Variants in COLEC11 observed in about 807,000 individuals in gnomAD.
COLEC11 encodes collectin-11.
A neutral mutation model predicts 27.3 loss-of-function variants in COLEC11; 20 were observed. The observed-to-expected ratio is 0.73, with a 90% CI of 0.51 to 1.06. The LOEUF is 1.06. COLEC11 is among the 50% of genes least tolerant of loss of function. The pLI is 0.00. For synonymous variants in COLEC11, 163 were observed against 154.7 expected, an observed-to-expected ratio of 1.05 and a Z score of -0.40; for missense variants, 310 against 383.0, an observed-to-expected ratio of 0.81 and a Z score of 1.59.
intron 3 of COLEC11, among the ~76,000 whole-genome samples, chr2:3,631,950 G>C (rs1024541493): frequency 6.6e-6 from 1 of 152,176 alleles, no homozygotes. Context: ...GGCTGTACCC[G>C]GGGTGGAAGT....
At position 3,602,434 on chromosome 2, in the gene COLEC11, C is replaced by T. The variant is rs1272729534; in HGVS notation, c.-26-1881C>T. ...GGCTGCTCAGAACAAAAGCTTTAAT[C>T]TTTGATTTCTCTCTGTCATTTCCCA... On this transcript the variant is annotated intron_variant, in intron 1 of 6. Transcript: ENST00000349077. The surrounding 1 kb of genome is among the most constrained non-coding windows in gnomAD (Gnocchi z 6.2). Among the ~76,000 whole-genome samples the T allele has an allele frequency of 1.3e-5, 2 of 152,088 alleles. No homozygotes were observed. Among genetic ancestry groups the T allele is most frequent in the Non-Finnish European group, 2.9e-5 (2 of 68,032 alleles).
Position 3,643,780 on chromosome 2 carries a change from G to C in COLEC11, c.478G>C (p.Glu160Gln). Residue 160 changes from glutamate (E) to glutamine (Q), a missense_variant, in exon 7 of 7, where the codon GAG becomes CAG. Glu to Gln is a conservative substitution (Grantham distance 29, BLOSUM62 2). Transcript: ENST00000349077. ...CAAGATCTACCTGCTGGTGAAGGAG[G>C]AGAAGCGCTACGCGGACGCCCAGCT... ...ESKIYLLVKE[E>Q]KRYADAQLSC... The C allele has an allele frequency of 1.2e-6, 2 of 1,613,638 alleles. No individual in the cohort carries two copies.
In COLEC11 at chr2:3,613,298, A is replaced by G; in HGVS notation, c.131-13A>G. 2.5e-6 allele frequency: 4 copies of G among 1,607,238 alleles called. No individual in the cohort carries two copies. The highest frequency in any genetic ancestry group is 3.4e-6 in the Non-Finnish European group (4 of 1,176,984). On this transcript the variant is annotated splice_polypyrimidine_tract_variant and intron_variant, in intron 2 of 6. Transcript: ENST00000349077. Reference sequence around the variant, plus strand: ...CCAGACGAGCTGCTAAATGGATGTGACTTCTTCCACAGGGGATGCGGGAGA... The same window carrying G: ...CCAGACGAGCTGCTAAATGGATGTGGCTTCTTCCACAGGGGATGCGGGAGA...
chr2:3,597,488 T>C (rs567639067), intron 1 of COLEC11, among the ~76,000 whole-genome samples: 1 of 152,322 alleles, frequency 6.6e-6, no homozygotes, highest in Admixed American at 6.5e-5. Flanking sequence ...TGGGCTGCTC[T>C]GGGTTTCTCT....
intron 3 of COLEC11, among the ~76,000 whole-genome samples, chr2:3,619,589 G>A (rs1489658055): frequency 6.6e-6 from 1 of 152,080 alleles, no homozygotes; most frequent in African/African-American, 2.4e-5. Context: ...TCTGTATGTT[G>A]AACCATCCCA....
chr2:3,600,251 A>G (rs1415332829), intron 1 of COLEC11, among the ~76,000 whole-genome samples: 1 of 148,362 alleles, frequency 6.7e-6, no homozygotes, highest in African/African-American at 2.5e-5. Flanking sequence ...AAAAAAAAAA[A>G]GCAAAACTCA....
At chr2:3,628,182 A>C (rs528957088) in intron 3 of COLEC11, among the ~76,000 whole-genome samples, 12 of 152,324 alleles carry the variant, frequency 7.9e-5, no homozygotes, top group Admixed American at 2.6e-4. Context: ...ATACCTCTGC[A>C]ATCTGTGGGT....
At chr2:3,613,417 G>C in intron 3 of COLEC11, 35 bp downstream of exon 3, 2 of 1,559,676 alleles carry the variant, frequency 1.3e-6, no homozygotes, top group Non-Finnish European at 1.7e-6. Context: ...TCAGAGCTCT[G>C]AGGATGGAGG....
intron 3 of COLEC11, among the ~76,000 whole-genome samples, chr2:3,617,030 A>C (rs1267070853): frequency 6.6e-6 from 1 of 152,218 alleles, no homozygotes; most frequent in African/African-American, 2.4e-5. Flanking sequence ...TGCAGTCAGC[A>C]TGAAACTGTA....
chr2:3,617,255 G>A (rs146987636), intron 3 of COLEC11, among the ~76,000 whole-genome samples: 3,622 of 151,786 alleles, frequency 0.024, 151 homozygotes, highest in African/African-American at 0.081. Context: ...CTGCATTACA[G>A]CCTGCAGGAC....
At chr2:3,615,727 G>GC (rs1393555261) in intron 3 of COLEC11, among the ~76,000 whole-genome samples, 24 of 151,392 alleles carry the variant, frequency 1.6e-4, no homozygotes, top group East Asian at 1.4e-3. Context: ...GGGCAGAGGC[G>GC]CCCCCCACCT....
At chr2:3,628,934 G>A (rs1664769761) in intron 3 of COLEC11, among the ~76,000 whole-genome samples, 1 of 152,216 alleles carries the variant, frequency 6.6e-6, no homozygotes, top group Non-Finnish European at 1.5e-5. Flanking sequence ...GGGTGCCACA[G>A]CCAGAAGCTC....
chr2:3,604,925 C>G (rs2147856321), intron 2 of COLEC11: 1 of 403,120 alleles, frequency 2.5e-6, no homozygotes, highest in South Asian at 1.9e-5. Context: ...TAAAAAATCC[C>G]TGGTGGTCTA....
chr2:3,642,524 A>G (rs1233977532), intron 5 of COLEC11, among the ~76,000 whole-genome samples: 2 of 151,892 alleles, frequency 1.3e-5, no homozygotes, highest in Non-Finnish European at 2.9e-5. Context: ...CCTCCCTATC[A>G]GCTCCCTTTC....
chr2:3,644,129 G>T lies in COLEC11; in HGVS notation c.*11G>T. The T allele has an allele frequency of 6.2e-7, 1 of 1,606,892 alleles. No homozygotes were observed. Among genetic ancestry groups the T allele is most frequent in the South Asian group, 1.1e-5 (1 of 91,082 alleles). The stretch of plus-strand genomic sequence containing the variant: ...AAGGAGAACATGTGAGCCTCAGGCT[G>T]GGGCTGCCCATTGGGGGCCCCACAT... On this transcript the variant is annotated 3_prime_UTR_variant, in exon 7 of 7. Coordinates refer to ENST00000349077, the MANE Select transcript of COLEC11 (RefSeq NM_024027.5).
intron 1 of COLEC11, among the ~76,000 whole-genome samples, chr2:3,603,131 C>T (rs1662358727): frequency 1.3e-5 from 2 of 152,162 alleles, no homozygotes; most frequent in Non-Finnish European, 2.9e-5. Flanking sequence ...CTTCCATGCT[C>T]TGCGGAGCCC....
At chr2:3,637,956 A>T (rs943106513) in intron 4 of COLEC11, among the ~76,000 whole-genome samples, 1 of 152,162 alleles carries the variant, frequency 6.6e-6, no homozygotes, top group Non-Finnish European at 1.5e-5. Flanking sequence ...GAGCGGACGC[A>T]CCCTGCTCTG....
At chr2:3,641,342 T>G (rs1665850543) in intron 5 of COLEC11, 1 of 1,302,550 alleles carries the variant, frequency 7.7e-7, no homozygotes. Flanking sequence ...TGTCACTGAC[T>G]GGCCGAGCAG....
At chr2:3,626,097 T>C (rs1483360014) in intron 3 of COLEC11, 1 of 1,612,078 alleles carries the variant, frequency 6.2e-7, no homozygotes, top group Non-Finnish European at 8.5e-7. Context: ...CACAGGGTAA[T>C]GGATCTGGAA....
Sources: gnomAD v4.1 joint callset for allele counts (sites outside exome capture counted in the v4.1 genomes callset) on GRCh38, gnomAD v4.1.1 for gene constraint, Gnocchi (gnomAD v3.1) non-coding constraint, MANE v1.5 for transcripts, NCBI Gene and HGNC (gene_info 2026-07-23, HGNC 2026-07-21) for gene names.